The following PPP3CC variants were observed in gnomAD, a reference collection of about 807,000 sequenced individuals.
The protein encoded by PPP3CC is protein phosphatase 3 catalytic subunit gamma.
Under a neutral mutation model 60.3 loss-of-function variants are expected in PPP3CC, and 35 were observed. That is an observed-to-expected ratio of 0.58 (90% CI 0.44 to 0.77). PPP3CC has a LOEUF of 0.77. PPP3CC is among the 30% of genes least tolerant of loss of function. The pLI, the probability that PPP3CC is intolerant of heterozygous loss-of-function variation, is 0.00. For synonymous variants in PPP3CC, 206 were observed against 224.3 expected (o/e 0.92, Z 0.73); for missense variants, 570 against 628.9 (o/e 0.91, Z 1.00).
chr8:22,454,120 G>A (rs988206486), intron 1 of PPP3CC, among the ~76,000 whole-genome samples: 4 of 152,090 alleles, frequency 2.6e-5, no homozygotes, highest in African/African-American at 7.2e-5. Context: ...TTTAACTCTT[G>A]TACTCATACT....
rs371685965 is a variant in PPP3CC, at chr8:22,494,883, A to G, written c.373-3118A>G. Among the ~76,000 whole-genome samples, 222 of 152,322 alleles carry G rather than the reference A, an allele frequency of 1.5e-3. 1 individual carries two copies. The highest frequency in any genetic ancestry group is 4.2e-3 in the African/African-American group (176 of 41,578). On this transcript the variant is annotated intron_variant, in intron 3 of 13. Coordinates refer to ENST00000240139, the MANE Select transcript of PPP3CC (RefSeq NM_005605.5). ...TTATGTACAAAGTAGATACATACAT[A>G]TGAATTTCATATATCTTCTTTATTA... is the stretch of plus-strand genomic sequence containing the variant.
chr8:22,474,497 A>T (rs973722693), intron 1 of PPP3CC, among the ~76,000 whole-genome samples: 4 of 152,024 alleles, frequency 2.6e-5, no homozygotes, highest in Non-Finnish European at 4.4e-5. Context: ...TGAGGTCAGG[A>T]GTTCGAGAGC....
Position 22,498,103 on chromosome 8 carries a change from A to G in PPP3CC, c.475A>G (p.Lys159Glu). 6.2e-7 allele frequency: 1 copy of G among 1,603,896 alleles called. No homozygotes were observed. The change falls in exon 4 of 14, where the codon AAA becomes GAA. Residue 159 changes from lysine to glutamate, a missense_variant. Transcript: ENST00000240139. Reference sequence around the variant, plus strand: ...GCATCTTACAGACTATTTCACCTTCAAACAGGAATGTAAGTATAATCACTC... The same window carrying G: ...GCATCTTACAGACTATTTCACCTTCGAACAGGAATGTAAGTATAATCACTC... ...CRHLTDYFTF[K>E]QECRIKYSEQ...
chr8:22,510,177 C>T (rs1330697580), intron 4 of PPP3CC, among the ~76,000 whole-genome samples: 5 of 114,162 alleles, frequency 4.4e-5, no homozygotes, highest in South Asian at 3.2e-4. Context: ...AGCAAGACTC[C>T]GTCTCAAAAA....
chr8:22,492,160 T>C lies in PPP3CC; in HGVS notation c.373-5841T>C, dbSNP rs186440792. On this transcript the variant is annotated intron_variant, in intron 3 of 13. Coordinates refer to ENST00000240139, the MANE Select transcript of PPP3CC (RefSeq NM_005605.5). ...GGCTACAAACCTGTACAGCATGTTA[T>C]TGTGCTGAATACTGTAGGCAGTTGT... Among the ~76,000 whole-genome samples, 238 of 152,282 alleles carry C rather than the reference T, an allele frequency of 1.6e-3. 2 individuals are homozygous for C. The highest frequency in any genetic ancestry group is 5.4e-3 in the African/African-American group (224 of 41,558).
chr8:22,532,437 C>A, intron 11 of PPP3CC, 131 bp downstream of exon 11: 2 of 716,082 alleles, frequency 2.8e-6, no homozygotes, highest in Non-Finnish European at 4.7e-6. Context: ...AGTGCAAATT[C>A]AATGAACATG....
At chr8:22,470,033 A>G (rs547342406) in intron 1 of PPP3CC, among the ~76,000 whole-genome samples, 2 of 150,604 alleles carry the variant, frequency 1.3e-5, no homozygotes, top group Non-Finnish European at 3.0e-5. Context: ...GATATATATA[A>G]AATAAATATG....
chr8:22,448,775 A>G (rs970373402), intron 1 of PPP3CC, among the ~76,000 whole-genome samples: 2 of 152,172 alleles, frequency 1.3e-5, no homozygotes, highest in Non-Finnish European at 2.9e-5. Flanking sequence ...AAGTATTAGT[A>G]TGTTGAAATG....
intron 8 of PPP3CC, among the ~76,000 whole-genome samples, chr8:22,526,910 G>C (rs745689189): frequency 6.6e-6 from 1 of 152,156 alleles, no homozygotes; most frequent in Non-Finnish European, 1.5e-5. Flanking sequence ...TTTGCCATTT[G>C]TATCTTCCAG....
In PPP3CC at chr8:22,528,431, A is replaced by G. The variant is rs78316918; in HGVS notation, c.1070-75A>G. On this transcript the variant is annotated intron_variant, in intron 9 of 13. Coordinates refer to ENST00000240139, the MANE Select transcript of PPP3CC (RefSeq NM_005605.5). ...TTATGCTTACTTAACATGTGTGTTT[A>G]TTTAGATATCCACATTATTTTAGAG... 4.9e-3 allele frequency: 4,819 copies of G among 975,054 alleles called. 183 individuals carry two copies. The African/African-American group carries it at 0.069, about 14-fold the overall frequency. 60.4% of individuals were successfully genotyped at this position (975,054 alleles called of 1,614,324 possible).
intron 6 of PPP3CC, among the ~76,000 whole-genome samples, chr8:22,517,207 A>G (rs1225319153): frequency 6.6e-6 from 1 of 152,214 alleles, no homozygotes; most frequent in African/African-American, 2.4e-5. Flanking sequence ...CTTTTATCCC[A>G]GGGATAAATC....
intron 3 of PPP3CC, among the ~76,000 whole-genome samples, chr8:22,479,135 T>G (rs2132474616): frequency 6.6e-6 from 1 of 152,260 alleles, no homozygotes; most frequent in East Asian, 1.9e-4. Flanking sequence ...GAAAAATAAT[T>G]TTTTAATAAA....
chr8:22,513,438 C>G lies in PPP3CC; in HGVS notation c.770+6C>G. 6.3e-7 allele frequency: 1 copy of G among 1,578,516 alleles called. No individual in the cohort carries two copies. The highest frequency in any genetic ancestry group is 8.6e-7 in the Non-Finnish European group (1 of 1,167,700). On this transcript the variant is annotated splice_donor_region_variant and intron_variant, in intron 6 of 13. Transcript: ENST00000240139. The stretch of plus-strand genomic sequence containing the variant: ...GGGTGCTCTTATTTCTACAGGTAAG[C>G]TAGTCCTTGAGGTCGAAAATTATGA...
chr8:22,489,962 G>C (rs1440837285), intron 3 of PPP3CC, among the ~76,000 whole-genome samples: 2 of 150,942 alleles, frequency 1.3e-5, no homozygotes, highest in South Asian at 2.1e-4. Flanking sequence ...ACTGGGATTA[G>C]AGGCGCATGC....
intron 3 of PPP3CC, among the ~76,000 whole-genome samples, chr8:22,493,598 C>T (rs568809711): frequency 3.1e-4 from 47 of 152,072 alleles, no homozygotes; most frequent in Non-Finnish European, 5.0e-4. Flanking sequence ...CATGCACGTG[C>T]GCACGCATCT....
At chr8:22,503,909 GT>G (rs1191811532) in intron 4 of PPP3CC, among the ~76,000 whole-genome samples, 5 of 152,174 alleles carry the variant, frequency 3.3e-5, no homozygotes, top group African/African-American at 1.2e-4. Flanking sequence ...GAGCATGTGT[GT>G]TGCTCTGCAT....
intron 12 of PPP3CC, among the ~76,000 whole-genome samples, chr8:22,537,096 A>G (rs996236036): frequency 1.3e-5 from 2 of 152,230 alleles, no homozygotes; most frequent in African/African-American, 4.8e-5. Flanking sequence ...ATCAAAATTA[A>G]AAACTCTGTA....
intron 4 of PPP3CC, among the ~76,000 whole-genome samples, chr8:22,508,266 T>G (rs961122053): frequency 1.3e-5 from 2 of 152,056 alleles, no homozygotes; most frequent in East Asian, 3.8e-4. Context: ...AAAAATTTTT[T>G]TAAAAGGTGG....
chr8:22,487,744 A>G (rs1441031423), intron 3 of PPP3CC, among the ~76,000 whole-genome samples: 2 of 152,222 alleles, frequency 1.3e-5, no homozygotes, highest in Non-Finnish European at 2.9e-5. Flanking sequence ...CATTTTCAGC[A>G]AAGATATACT....
Sources: gnomAD v4.1 joint callset for allele counts (sites outside exome capture counted in the v4.1 genomes callset) on GRCh38, gnomAD v4.1.1 for gene constraint, MANE v1.5 for transcripts, NCBI Gene and HGNC (gene_info 2026-07-23, HGNC 2026-07-21) for gene names.